Variants in PKNOX1 observed in about 807,000 individuals in gnomAD.
PKNOX1 encodes the protein homeobox protein PKNOX1.
PKNOX1 carries 15 observed loss-of-function variants against 51.9 expected under a neutral mutation model. The ratio of observed to expected loss-of-function variants is 0.29; its 90% CI spans 0.19 to 0.45. The LOEUF (loss-of-function observed/expected upper bound fraction) is 0.45, where lower values mean the gene tolerates loss of function less well. Among genes scored for constraint, PKNOX1 ranks in the 20% least tolerant of loss-of-function variants. The pLI, the probability that PKNOX1 is intolerant of heterozygous loss-of-function variation, is 1.00. For synonymous variants in PKNOX1, 219 were observed against 211.1 expected, an observed-to-expected ratio of 1.04 and a Z score of -0.32; for missense variants, 462 against 547.5, an observed-to-expected ratio of 0.84 and a Z score of 1.56.
chr21:42,988,172 G>T (rs1210762637), intron 1 of PKNOX1, among the ~76,000 whole-genome samples: 2 of 151,926 alleles, frequency 1.3e-5, no homozygotes, highest in African/African-American at 4.8e-5. Flanking sequence ...TCCCTCCTCA[G>T]CCTCTTGAGT....
intron 10 of PKNOX1, 75 bp from the exon 11 acceptor site, chr21:43,029,815 A>G (rs968752237): frequency 2.4e-6 from 3 of 1,245,938 alleles, no homozygotes; most frequent in Non-Finnish European, 3.5e-6. Context: ...ACGAGCAAAC[A>G]GCACCCAATT....
At chr21:42,980,248 C>T (rs1259467038) in intron 1 of PKNOX1, among the ~76,000 whole-genome samples, 1 of 152,072 alleles carries the variant, frequency 6.6e-6, no homozygotes, top group East Asian at 1.9e-4. Flanking sequence ...TGGCAGGAGC[C>T]TGTATCCCCA....
chr21:42,996,583 C>T (rs1007122701), intron 1 of PKNOX1, among the ~76,000 whole-genome samples: 1 of 151,864 alleles, frequency 6.6e-6, no homozygotes, highest in Admixed American at 6.5e-5. Context: ...AAAGAATTGT[C>T]TCCCAACAAA....
chr21:42,979,528 G>T (rs893423688), intron 1 of PKNOX1, among the ~76,000 whole-genome samples: 7 of 152,122 alleles, frequency 4.6e-5, no homozygotes, highest in Admixed American at 3.9e-4. Context: ...GGATCACGAG[G>T]TCAGGAGATC....
intron 1 of PKNOX1, among the ~76,000 whole-genome samples, chr21:42,974,881 G>A (rs1236413109): frequency 4.1e-5 from 6 of 147,838 alleles, no homozygotes; most frequent in Admixed American, 3.3e-4. Context: ...ACCCGCGGGG[G>A]AGGGGGCGCC....
At chr21:42,991,031 C>T (rs2059084624) in intron 1 of PKNOX1, among the ~76,000 whole-genome samples, 1 of 152,172 alleles carries the variant, frequency 6.6e-6, no homozygotes, top group Non-Finnish European at 1.5e-5. Context: ...GAGAGATGTT[C>T]CTGCACAAGC....
Position 43,017,015 on chromosome 21 carries a change from G to T in PKNOX1, c.622+8G>T. 2 of 1,601,454 alleles carry T rather than the reference G, an allele frequency of 1.2e-6. No homozygotes were observed. The highest frequency in any genetic ancestry group is 2.2e-5 in the South Asian group (2 of 90,864). Reference sequence around the variant, plus strand: ...CCATGGCGACGGTGGCAGGTACGATGACAGAAAAATGGACACACTCTCCAT... The same window carrying T: ...CCATGGCGACGGTGGCAGGTACGATTACAGAAAAATGGACACACTCTCCAT... On this transcript the variant is annotated splice_region_variant and intron_variant, in intron 6 of 10. Coordinates refer to ENST00000291547, the MANE Select transcript of PKNOX1 (RefSeq NM_004571.5).
rs1200699702 is a variant in PKNOX1, at chr21:43,007,747, G to A, written c.179+129G>A. ...TGCCATTATGATGTGATAACTGCTC[G>A]GCTGAAAATTTTCTCAGATTAAGAT... On this transcript the variant is annotated intron_variant, in intron 3 of 10. Transcript: ENST00000291547. 3.6e-5 allele frequency: 37 copies of A among 1,014,400 alleles called. 1 individual carries two copies. The Admixed American group carries it at 4.7e-4, about 13-fold the overall frequency. The allele number at this position is 1,014,400 out of a possible 1,614,324, so 62.8% of individuals were successfully genotyped here.
At chr21:43,017,964 C>T in intron 6 of PKNOX1, 169 bp from the exon 7 acceptor site, 1 of 544,964 alleles carries the variant, frequency 1.8e-6, no homozygotes, top group Non-Finnish European at 3.2e-6. Context: ...AATTCCAGCA[C>T]TTTGGGAGGC....
intron 7 of PKNOX1, among the ~76,000 whole-genome samples, chr21:43,020,793 G>T (rs919011561): frequency 6.6e-6 from 1 of 152,238 alleles, no homozygotes; most frequent in African/African-American, 2.4e-5. Context: ...GCACAGGTGG[G>T]AACAGGTGGT....
intron 1 of PKNOX1, among the ~76,000 whole-genome samples, chr21:42,987,507 C>G (rs550698250): frequency 6.7e-6 from 1 of 148,794 alleles, no homozygotes; most frequent in Non-Finnish European, 1.5e-5. Context: ...AAAAGTATCA[C>G]TTGTCTTTGA....
chr21:43,021,406 G>A lies in PKNOX1; in HGVS notation c.824G>A (p.Arg275Gln), dbSNP rs1979747926. The A allele has an allele frequency of 2.5e-6, 4 of 1,611,456 alleles. No individual in the cohort carries two copies. Among genetic ancestry groups the A allele is most frequent in the Admixed American group, 1.7e-5 (1 of 59,848 alleles). ...CCAAAGCATGCCACGAACGTGATGC[G>A]GTCCTGGCTCTTCCAGCACATCGGG... ...VLPKHATNVM[R>Q]SWLFQHIGHP... The change falls in exon 8 of 11, where the codon CGG becomes CAG. Residue 275 changes from arginine to glutamine, a missense_variant. Around this residue, in one of 5 missense-constraint regions of PKNOX1, gnomAD observed 75 missense variants for 129.8 expected, o/e 0.58. Coordinates refer to ENST00000291547, the MANE Select transcript of PKNOX1 (RefSeq NM_004571.5). The surrounding 1 kb of genome is among the most constrained non-coding windows in gnomAD (Gnocchi z 4.6).
At chr21:43,029,340 G>C (rs1417473216) in intron 10 of PKNOX1, among the ~76,000 whole-genome samples, 3 of 151,902 alleles carry the variant, frequency 2.0e-5, no homozygotes, top group African/African-American at 7.3e-5. Context: ...GTGTTTTATA[G>C]GCATCTTTCT....
At chr21:43,009,421 G>T (rs1438057053) in intron 3 of PKNOX1, among the ~76,000 whole-genome samples, 1 of 151,856 alleles carries the variant, frequency 6.6e-6, no homozygotes, top group Non-Finnish European at 1.5e-5. Flanking sequence ...CTCCAGCCTG[G>T]GCAACAAGAG....
At chr21:42,991,620 C>T (rs367763714) in intron 1 of PKNOX1, among the ~76,000 whole-genome samples, 10 of 151,986 alleles carry the variant, frequency 6.6e-5, no homozygotes, top group South Asian at 6.2e-4. Flanking sequence ...CCCAGCTACT[C>T]GGGAGGCTGC....
intron 1 of PKNOX1, among the ~76,000 whole-genome samples, chr21:42,975,698 G>A (rs1221183514): frequency 6.6e-6 from 1 of 152,250 alleles, no homozygotes; most frequent in Non-Finnish European, 1.5e-5. Context: ...GCGTCCTGAG[G>A]TCGGGCCCAG....
chr21:42,981,657 T>C (rs1210221119), intron 1 of PKNOX1, among the ~76,000 whole-genome samples: 1 of 152,110 alleles, frequency 6.6e-6, no homozygotes, highest in African/African-American at 2.4e-5. Context: ...GCTTCTGGGC[T>C]CAAGTAATCT....
chr21:42,989,600 G>A (rs537698084), intron 1 of PKNOX1, among the ~76,000 whole-genome samples: 24 of 151,982 alleles, frequency 1.6e-4, no homozygotes, highest in Admixed American at 3.3e-4. Flanking sequence ...TGCATTTTTA[G>A]TAGAGATGGG....
At chr21:42,986,960 C>T (rs1408135843) in intron 1 of PKNOX1, among the ~76,000 whole-genome samples, 6 of 152,094 alleles carry the variant, frequency 3.9e-5, no homozygotes, top group Non-Finnish European at 7.4e-5. Flanking sequence ...CTGCTAGGCG[C>T]GGCACCTGGT....
Sources: gnomAD v4.1 joint callset for allele counts (sites outside exome capture counted in the v4.1 genomes callset) on GRCh38, gnomAD v4.1.1 for gene constraint, gnomAD v4.1.1 regional missense constraint, Gnocchi (gnomAD v3.1) non-coding constraint, MANE v1.5 for transcripts, NCBI Gene and HGNC (gene_info 2026-07-23, HGNC 2026-07-21) for gene names.